Variants in NCAPD3 observed in about 807,000 individuals in gnomAD.
NCAPD3 encodes non-SMC condensin II complex subunit D3, also known as condensin-2 complex subunit D3.
A neutral mutation model predicts 182.9 loss-of-function variants in NCAPD3; 105 were observed. The observed-to-expected ratio is 0.57, with a 90% CI of 0.49 to 0.68. The LOEUF is 0.68. NCAPD3 is among the 30% of genes least tolerant of loss of function. The probability of loss-of-function intolerance (pLI) is 0.00; values close to 1 mark genes in which losing one functional copy is unlikely to be tolerated. For missense variants in NCAPD3, 1,944 were observed against 1,837.0 expected, an observed-to-expected ratio of 1.06 and a Z score of -1.07; for synonymous variants, 815 against 679.9, an observed-to-expected ratio of 1.20 and a Z score of -3.09.
chr11:134,196,091 C>T (rs1220960955), intron 13 of NCAPD3, among the ~76,000 whole-genome samples: 1 of 152,078 alleles, frequency 6.6e-6, no homozygotes, highest in African/African-American at 2.4e-5. Context: ...AACTAATACA[C>T]CTTTAGCTAG....
In NCAPD3 at chr11:134,220,715, T is replaced by C; in HGVS notation, c.76A>G (p.Thr26Ala). 1 of 1,612,974 alleles carries C rather than the reference T, an allele frequency of 6.2e-7. No individual in the cohort carries two copies. The highest frequency in any genetic ancestry group is 8.5e-7 in the Non-Finnish European group (1 of 1,179,126). The stretch of plus-strand genomic sequence containing the variant: ...TCTGTGAAATCCAGTTCCCACACTG[T>C]GTCAACCCATTCTAGGGGAAAATGC... Reference protein sequence around the residue: ...PLDLRLEWVDTVWELDFTETE... With the variant: ...PLDLRLEWVDAVWELDFTETE... Residue 26 changes from threonine (T) to alanine (A), a missense_variant, in exon 2 of 35, where the codon ACA (threonine) becomes GCA (alanine). Coordinates refer to ENST00000534548, the MANE Select transcript of NCAPD3 (RefSeq NM_015261.3).
upstream of NCAPD3, chr11:134,225,108 C>G (rs941672157): frequency 2.5e-6 from 4 of 1,588,368 alleles, no homozygotes; most frequent in South Asian, 2.2e-5. Flanking sequence ...GAGACCCGCC[C>G]GGCCCGGCGG....
chr11:134,203,343 G>C, intron 11 of NCAPD3, 145 bp from the exon 12 acceptor site: 1 of 708,720 alleles, frequency 1.4e-6, no homozygotes, highest in Middle Eastern at 2.7e-4. Flanking sequence ...CGTTCTCCTT[G>C]GGTATGCATT....
intron 27 of NCAPD3, among the ~76,000 whole-genome samples, chr11:134,163,636 G>A (rs954567332): frequency 1.3e-4 from 19 of 149,110 alleles, no homozygotes; most frequent in South Asian, 6.4e-4. Context: ...GGGGGGCAGA[G>A]CTTGCACTGA....
chr11:134,224,601 TA>T (rs1046707164), upstream of NCAPD3: 1 of 152,134 alleles, frequency 6.6e-6, no homozygotes, highest in African/African-American at 2.4e-5. Context: ...CCAGGAGCGT[TA>T]GGGGGTGCGC....
chr11:134,159,181 A>T (rs1943510750), intron 29 of NCAPD3, among the ~76,000 whole-genome samples: 2 of 152,250 alleles, frequency 1.3e-5, no homozygotes, highest in African/African-American at 4.8e-5. Context: ...TACAGTCAGC[A>T]GCGAGGCTGC....
At chr11:134,225,341 G>T, upstream of NCAPD3, 8 of 1,613,692 alleles carry the variant, frequency 5.0e-6, no homozygotes, top group Non-Finnish European at 6.8e-6. Flanking sequence ...TCATCGGGCA[G>T]ATCGGTGAGT....
rs1018549748 is a variant in NCAPD3 at position 134,152,817 on chromosome 11, C to A, written c.*127G>T. ...TGAGTGCCAGGCCCCTGAGGAGGAGCTCTCGTGTTCCACAGCAAAGCGCTG... is the reference window on the plus strand; with the variant it reads ...TGAGTGCCAGGCCCCTGAGGAGGAGATCTCGTGTTCCACAGCAAAGCGCTG... On this transcript the variant is annotated 3_prime_UTR_variant, in exon 35 of 35. Transcript: ENST00000534548. 2.8e-6 allele frequency: 2 copies of A among 710,268 alleles called. No homozygotes were observed. Among genetic ancestry groups the A allele is most frequent in the East Asian group, 2.5e-5 (1 of 39,544 alleles). 44.0% of individuals were successfully genotyped at this position (710,268 alleles called of 1,614,324 possible). A position where few individuals can be genotyped will look rare whatever the true frequency, so the allele number is the denominator to read the frequency against.
Position 134,220,467 on chromosome 11 carries a change from C to G in NCAPD3, c.219+105G>C, listed in dbSNP as rs573928271. On this transcript the variant is annotated intron_variant, in intron 2 of 34. Transcript: ENST00000534548. ...TTCTTTATGTTACTCATATTGTACT[C>G]CCTGTGAACTGTACACCAAGAAAGC... is the stretch of plus-strand genomic sequence containing the variant. 5 of 1,063,734 alleles carry G rather than the reference C, an allele frequency of 4.7e-6. No homozygotes were observed. The Admixed American group carries it at 6.2e-5, about 13-fold the overall frequency. 65.9% of individuals were successfully genotyped at this position (1,063,734 alleles called of 1,614,324 possible). A position where few individuals can be genotyped will look rare whatever the true frequency, so the allele number is the denominator to read the frequency against.
In NCAPD3 at chr11:134,223,897, G is replaced by C; in HGVS notation, c.30C>G (p.Gly10=). 6.2e-7 allele frequency: 1 copy of C among 1,612,724 alleles called. No individual in the cohort carries two copies. The highest frequency in any genetic ancestry group is 1.7e-4 in the Middle Eastern group (1 of 6,058). MVALRGLGS[G]LQPWCPLDLR... The stretch of plus-strand genomic sequence containing the variant: ...GATCCAGCGGACACCAGGGCTGCAG[G>C]CCGCTACCAAGGCCCCGCAACGCCA... The change falls in exon 1 of 35, where the codon GGC becomes GGG. Residue 10 remains glycine (G), a synonymous_variant. Transcript: ENST00000534548.
chr11:134,201,105 A>C (rs1591853454), intron 13 of NCAPD3, among the ~76,000 whole-genome samples: 1 of 151,042 alleles, frequency 6.6e-6, no homozygotes, highest in South Asian at 2.1e-4. Context: ...GCTCACTGCA[A>C]CCTCCACCTC....
upstream of NCAPD3, chr11:134,224,119 C>G: frequency 1.5e-6 from 1 of 666,572 alleles, no homozygotes; most frequent in Non-Finnish European, 2.5e-6. Flanking sequence ...CTGGGCGGGC[C>G]GAAAAGTGGA....
chr11:134,212,531 G>A (rs1248789690), intron 3 of NCAPD3, among the ~76,000 whole-genome samples: 1 of 151,820 alleles, frequency 6.6e-6, no homozygotes, highest in Non-Finnish European at 1.5e-5. Flanking sequence ...AGTAGCATGC[G>A]TTACCACATT....
chr11:134,189,811 C>T (rs1228938944), intron 16 of NCAPD3, among the ~76,000 whole-genome samples: 5 of 152,000 alleles, frequency 3.3e-5, no homozygotes, highest in South Asian at 4.1e-4. Context: ...TGACATTTTC[C>T]GTTAAATTCT....
rs761833082 is a variant in NCAPD3 at position 134,185,020 on chromosome 11, A to C, written c.2238-20T>G. The C allele has an allele frequency of 1.3e-6, 2 of 1,559,294 alleles. No individual in the cohort carries two copies. Among genetic ancestry groups the C allele is most frequent in the South Asian group, 2.2e-5 (2 of 89,928 alleles). On this transcript the variant is annotated intron_variant, in intron 17 of 34. Coordinates refer to ENST00000534548, the MANE Select transcript of NCAPD3 (RefSeq NM_015261.3). ...TGCTGACTAGAGAAAGGGCAGGAGGAATATGAAGGGAGAAGCAAGTTAAAC... is the reference window on the plus strand; with the variant it reads ...TGCTGACTAGAGAAAGGGCAGGAGGCATATGAAGGGAGAAGCAAGTTAAAC...
At position 134,206,582 on chromosome 11, in the gene NCAPD3, C is replaced by T. The variant is rs976302459; in HGVS notation, c.1016+17G>A. The stretch of plus-strand genomic sequence containing the variant: ...GGGAGACTGACAGGGTGAAAATTCA[C>T]GATTTGTGTGCTTCACCTGATAAAC... On this transcript the variant is annotated intron_variant, in intron 8 of 34. Transcript: ENST00000534548. 16 of 1,612,656 alleles carry T rather than the reference C, an allele frequency of 9.9e-6. No homozygotes were observed. The highest frequency in any genetic ancestry group is 1.3e-5 in the African/African-American group (1 of 74,820).
At chr11:134,202,785 A>T (rs752441703) in intron 13 of NCAPD3, 31 bp downstream of exon 13, 2 of 1,480,646 alleles carry the variant, frequency 1.4e-6, no homozygotes, top group Non-Finnish European at 1.9e-6. Flanking sequence ...CAGCAGTATT[A>T]CCTATCTGAC....
intron 23 of NCAPD3, 97 bp from the exon 24 acceptor site, chr11:134,176,483 G>C (rs562671382): frequency 7.2e-6 from 7 of 973,148 alleles, no homozygotes; most frequent in Middle Eastern, 2.4e-4. Flanking sequence ...TCTGTCCCCG[G>C]CACACTGGCT....
chr11:134,204,774 C>A lies in NCAPD3; in HGVS notation c.1089+125G>T, dbSNP rs1944815749. Reference sequence around the variant, plus strand: ...ACCATCTAGTGAACATTAAATAAAACCACTTTAAGTAACAATGCACACTCA... The same window carrying A: ...ACCATCTAGTGAACATTAAATAAAAACACTTTAAGTAACAATGCACACTCA... On this transcript the variant is annotated intron_variant, in intron 9 of 34. Transcript: ENST00000534548. The surrounding 1 kb of genome is among the most constrained non-coding windows in gnomAD (Gnocchi z 4.3). 1.4e-6 allele frequency: 1 copy of A among 723,386 alleles called. No individual in the cohort carries two copies. The highest frequency in any genetic ancestry group is 2.2e-6 in the Non-Finnish European group (1 of 456,518). The allele number at this position is 723,386 out of a possible 1,614,324, so 44.8% of individuals were successfully genotyped here.
Sources: allele counts gnomAD v4.1 joint callset (sites outside exome capture counted in the v4.1 genomes callset), GRCh38; gene constraint gnomAD v4.1.1; non-coding constraint Gnocchi (gnomAD v3.1); transcripts MANE v1.5; gene names NCBI Gene and HGNC (gene_info 2026-07-23, HGNC 2026-07-21).